Variants in MPDZ observed in about 807,000 individuals in gnomAD.
MPDZ encodes multiple PDZ domain protein.
A neutral mutation model predicts 239.1 loss-of-function variants in MPDZ; 234 were observed. The ratio of observed to expected loss-of-function variants is 0.98; its 90% confidence interval spans 0.88 to 1.09. MPDZ has a LOEUF of 1.09. Among genes scored for constraint, MPDZ ranks in the 50% least tolerant of loss-of-function variants. The pLI, the probability that MPDZ is intolerant of heterozygous loss-of-function variation, is 0.00. For synonymous variants in MPDZ, 1,048 were observed against 881.3 expected (o/e 1.19, Z -3.35); for missense variants, 3,175 against 2,510.0 (o/e 1.26, Z -5.66).
intron 18 of MPDZ, among the ~76,000 whole-genome samples, chr9:13,186,019 T>C (rs1563983223): frequency 6.6e-6 from 1 of 152,170 alleles, no homozygotes; most frequent in South Asian, 2.1e-4. Flanking sequence ...ACTTTAGATA[T>C]GGCACAAAGA....
At chr9:13,167,581 T>C (rs1951226849) in intron 22 of MPDZ, among the ~76,000 whole-genome samples, 1 of 152,066 alleles carries the variant, frequency 6.6e-6, no homozygotes, top group Non-Finnish European at 1.5e-5. Flanking sequence ...AATCATTACA[T>C]CGATTTTAGG....
chr9:13,212,773 G>C (rs1192476219), intron 10 of MPDZ, among the ~76,000 whole-genome samples: 3 of 121,760 alleles, frequency 2.5e-5, no homozygotes, highest in Non-Finnish European at 4.9e-5. Context: ...AGGAGTTCAA[G>C]ACCACCTGGT....
chr9:13,256,244 G>A (rs151272553), intron 1 of MPDZ, among the ~76,000 whole-genome samples: 14 of 152,296 alleles, frequency 9.2e-5, no homozygotes, highest in South Asian at 2.1e-4. Flanking sequence ...AGGCTTTGGC[G>A]TAAGGGAATG....
chr9:13,191,475 G>C (rs1248531158), intron 15 of MPDZ, among the ~76,000 whole-genome samples: 1 of 152,004 alleles, frequency 6.6e-6, no homozygotes, highest in East Asian at 1.9e-4. Flanking sequence ...ATCATGATAC[G>C]AATGAATGAA....
rs1966845769 is a variant in MPDZ at position 13,247,715 on chromosome 9, G to C, written c.103C>G (p.Leu35Val). The change falls in exon 3 of 47, where the codon CTT becomes GTT. Residue 35 changes from leucine to valine, a missense_variant. By Grantham distance (32) the Leu-to-Val change is conservative. Coordinates refer to ENST00000319217, the MANE Select transcript of MPDZ (RefSeq NM_001378778.1). ...GDVANEDKLS[L>V]LKSVLQSPLF... ...GGGCTCTGCAGGACTGACTTCAGAA[G>C]GCTCAGTTTGTCTTCATTTGCTACA... is the stretch of plus-strand genomic sequence containing the variant. 6.2e-7 allele frequency: 1 copy of C among 1,613,684 alleles called. No individual in the cohort carries two copies. Among genetic ancestry groups the C allele is most frequent in the African/African-American group, 1.3e-5 (1 of 75,018 alleles).
chr9:13,225,462 G>A (rs1013667066), intron 3 of MPDZ, among the ~76,000 whole-genome samples: 4 of 151,798 alleles, frequency 2.6e-5, no homozygotes, highest in African/African-American at 9.7e-5. Context: ...GTACAGTAAT[G>A]TCGTAGGCCT....
intron 31 of MPDZ, 182 bp downstream of exon 31, chr9:13,135,910 A>AT (rs2132240078): frequency 2.0e-6 from 1 of 491,274 alleles, no homozygotes; most frequent in African/African-American, 2.0e-5. Context: ...TACTCTTCAC[A>AT]TAAGTGGTAT....
Position 13,276,957 on chromosome 9 carries a change from T to C in MPDZ, c.-58+2443A>G, listed in dbSNP as rs116011201. On this transcript the variant is annotated intron_variant, in intron 1 of 46. Coordinates refer to ENST00000319217, the MANE Select transcript of MPDZ (RefSeq NM_001378778.1). ...AGCAAAATCTCTCCACCCTAGCAGT[T>C]AAAAACTAAAAGTGGCCAACTAGAC... 5.6e-3 allele frequency among the ~76,000 whole-genome samples: 855 copies of C among 152,266 alleles called. 4 individuals carry two copies. The highest frequency in any genetic ancestry group is 0.019 in the African/African-American group (800 of 41,538).
At chr9:13,112,219 G>T in intron 42 of MPDZ, 73 bp from the exon 43 acceptor site, 2 of 1,419,654 alleles carry the variant, frequency 1.4e-6, no homozygotes, top group Non-Finnish European at 9.5e-7. Flanking sequence ...TCTTTGGCAT[G>T]ATATCTATAG....
intron 1 of MPDZ, among the ~76,000 whole-genome samples, chr9:13,271,798 C>T (rs577568691): frequency 2.6e-5 from 4 of 152,290 alleles, no homozygotes; most frequent in Admixed American, 2.6e-4. Context: ...CATGCAATGA[C>T]TACTACTCAG....
chr9:13,165,173 G>C (rs7040347), intron 22 of MPDZ, among the ~76,000 whole-genome samples: 69,895 of 152,072 alleles, frequency 0.46, 18,772 homozygotes, highest in African/African-American at 0.75. Context: ...TCAGTACAAT[G>C]TGAAAACGTA....
chr9:13,180,779 G>C (rs13293976), intron 19 of MPDZ, among the ~76,000 whole-genome samples: 14,753 of 152,186 alleles, frequency 0.097, 939 homozygotes, highest in Non-Finnish European at 0.13. Context: ...AAATGCCATA[G>C]AGGCGGGTAT....
At position 13,105,943 on chromosome 9, in the gene MPDZ, T is replaced by C. The variant is rs1941407492; in HGVS notation, c.*1022A>G. 6.6e-6 allele frequency: 1 copy of C among 152,202 alleles called. No homozygotes were observed. Among genetic ancestry groups the C allele is most frequent in the African/African-American group, 2.4e-5 (1 of 41,466 alleles). 9.4% of individuals were successfully genotyped at this position (152,202 alleles called of 1,614,324 possible). On this transcript the variant is annotated 3_prime_UTR_variant, in exon 47 of 47. Coordinates refer to ENST00000319217, the MANE Select transcript of MPDZ (RefSeq NM_001378778.1). ...CCCTTAGTCTTAAACTATTGTATTA[T>C]AAGATGTTAATATAAGTCAATGAAA... is the stretch of plus-strand genomic sequence containing the variant.
In MPDZ at chr9:13,109,942, A is replaced by G. The variant is rs1162890295; in HGVS notation, c.5942+10T>C. The G allele has an allele frequency of 6.2e-7, 1 of 1,602,832 alleles. No homozygotes were observed. The highest frequency in any genetic ancestry group is 1.1e-5 in the South Asian group (1 of 90,330). ...AAAAATGATACACTAATCATCATGT[A>G]TGAACTCACCCTAAATCATCCTGAA... On this transcript the variant is annotated intron_variant, in intron 45 of 46. Coordinates refer to ENST00000319217, the MANE Select transcript of MPDZ (RefSeq NM_001378778.1).
chr9:13,254,380 G>A (rs984244678), intron 1 of MPDZ, among the ~76,000 whole-genome samples: 31 of 152,060 alleles, frequency 2.0e-4, no homozygotes, highest in Admixed American at 2.0e-3. Context: ...TCTTTAAATA[G>A]TTATTCAAAG....
chr9:13,147,699 A>T (rs751819606), intron 25 of MPDZ, 41 bp from the exon 26 acceptor site: 2 of 1,482,004 alleles, frequency 1.3e-6, no homozygotes, highest in East Asian at 2.3e-5. Flanking sequence ...AAGAATCTAT[A>T]GAACAACAAA....
At chr9:13,215,956 T>G (rs978032362) in intron 10 of MPDZ, among the ~76,000 whole-genome samples, 3 of 146,718 alleles carry the variant, frequency 2.0e-5, no homozygotes, top group Admixed American at 6.8e-5. Flanking sequence ...TTTTTTTTTT[T>G]TTTTTTTTTT....
chr9:13,257,097 T>C (rs141524938), intron 1 of MPDZ, among the ~76,000 whole-genome samples: 10 of 152,316 alleles, frequency 6.6e-5, no homozygotes, highest in Non-Finnish European at 7.4e-5. Context: ...GCTGTTCATG[T>C]ATCCTGCTAG....
intron 12 of MPDZ, among the ~76,000 whole-genome samples, chr9:13,203,783 AAG>A (rs1250301332): frequency 6.9e-5 from 10 of 145,870 alleles, no homozygotes; most frequent in Non-Finnish European, 1.4e-4. Context: ...CAGAGAGAGA[AAG>A]AGAGAGAGAG....
Sources: allele counts gnomAD v4.1 joint callset (sites outside exome capture counted in the v4.1 genomes callset), GRCh38; gene constraint gnomAD v4.1.1; transcripts MANE v1.5; gene names NCBI Gene and HGNC (gene_info 2026-07-23, HGNC 2026-07-21).